SUCLG2: variants seen among roughly 807,000 people sequenced by gnomAD.
The protein encoded by SUCLG2 is succinate--CoA ligase [GDP-forming] subunit beta, mitochondrial.
SUCLG2 carries 42 observed loss-of-function variants against 47.9 expected under a neutral mutation model. The observed-to-expected ratio is 0.88, with a 90% CI of 0.69 to 1.14. The LOEUF (loss-of-function observed/expected upper bound fraction) is 1.14, where lower values mean the gene tolerates loss of function less well. SUCLG2 is among the 50% of genes most tolerant of loss of function. The pLI is 0.00. For missense variants in SUCLG2, 571 were observed against 525.9 expected, an observed-to-expected ratio of 1.09 and a Z score of -0.84; for synonymous variants, 195 against 197.3, an observed-to-expected ratio of 0.99 and a Z score of 0.10.
intron 9 of SUCLG2, among the ~76,000 whole-genome samples, chr3:67,488,589 C>T (rs1705124087): frequency 6.6e-6 from 1 of 152,202 alleles, no homozygotes; most frequent in African/African-American, 2.4e-5. Context: ...CTCAAAAATA[C>T]TAATAGTACA....
chr3:67,414,048 C>T (rs1250027564), intron 9 of SUCLG2, among the ~76,000 whole-genome samples: 1 of 152,138 alleles, frequency 6.6e-6, no homozygotes, highest in South Asian at 2.1e-4. Context: ...ATGTCTTGAC[C>T]TGCCACCTTT....
At chr3:67,469,475 A>C (rs1308060971) in intron 9 of SUCLG2, among the ~76,000 whole-genome samples, 1 of 152,222 alleles carries the variant, frequency 6.6e-6, no homozygotes, top group East Asian at 1.9e-4. Context: ...CACGCCTGTA[A>C]TTATAGCACT....
At chr3:67,567,520 C>A (rs1707486332) in intron 2 of SUCLG2, among the ~76,000 whole-genome samples, 1 of 152,084 alleles carries the variant, frequency 6.6e-6, no homozygotes, top group South Asian at 2.1e-4. Flanking sequence ...CTCAAGCGAT[C>A]CTGCCACCTC....
At chr3:67,376,797 T>G (rs762504004) in intron 10 of SUCLG2, among the ~76,000 whole-genome samples, 1 of 152,200 alleles carries the variant, frequency 6.6e-6, no homozygotes, top group South Asian at 2.1e-4. Context: ...GCAGTGAAGA[T>G]GGCCGCTTGG....
At position 67,609,444 on chromosome 3, in the gene SUCLG2, A is replaced by T; in HGVS notation, c.226+11T>A. 6.2e-7 allele frequency: 1 copy of T among 1,608,734 alleles called. No homozygotes were observed. Reference sequence around the variant, plus strand: ...GGGCAAGTGTATTTCACCCATTATGAATCAGCTTACTTAGTCTCTTAGCAG... The same window carrying T: ...GGGCAAGTGTATTTCACCCATTATGTATCAGCTTACTTAGTCTCTTAGCAG... On this transcript the variant is annotated intron_variant, in intron 2 of 10. Coordinates refer to ENST00000307227, the MANE Select transcript of SUCLG2 (RefSeq NM_003848.4).
At chr3:67,509,048 TTTTAATTTCCACTG>T (rs1388915665) in intron 6 of SUCLG2, 145 bp from the exon 7 acceptor site, 1 of 614,906 alleles carries the variant, frequency 1.6e-6, no homozygotes, top group Non-Finnish European at 2.8e-6. Context: ...AGCATAATTA[TTTTAATTTCCACTG>T]CTATTCATTA....
At chr3:67,575,465 T>A (rs1011325053) in intron 2 of SUCLG2, among the ~76,000 whole-genome samples, 1 of 152,162 alleles carries the variant, frequency 6.6e-6, no homozygotes, top group African/African-American at 2.4e-5. Flanking sequence ...ATATGCAATG[T>A]CCAGAAAAGG....
At chr3:67,426,889 T>G (rs1047392911) in intron 9 of SUCLG2, among the ~76,000 whole-genome samples, 13 of 152,108 alleles carry the variant, frequency 8.5e-5, no homozygotes, top group African/African-American at 2.9e-4. Context: ...ATCTTGCCAC[T>G]GCACTCCAAC....
At chr3:67,385,370 T>C (rs1438794456) in intron 10 of SUCLG2, among the ~76,000 whole-genome samples, 1 of 152,222 alleles carries the variant, frequency 6.6e-6, no homozygotes, top group Non-Finnish European at 1.5e-5. Context: ...CTGGGGCAGA[T>C]AAGACCTGTG....
chr3:67,446,416 CATTTTTTTTTTTTT>C (rs1322596658), intron 9 of SUCLG2, among the ~76,000 whole-genome samples: 2,681 of 77,340 alleles, frequency 0.035, 69 homozygotes, highest in East Asian at 0.15. Flanking sequence ...TACATATGTA[CATTTTTTTTTTTTT>C]TTTTTTTTTT....
chr3:67,639,453 G>T (rs1701062112), intron 1 of SUCLG2, among the ~76,000 whole-genome samples: 1 of 151,922 alleles, frequency 6.6e-6, no homozygotes. Flanking sequence ...TGCAGCAGAT[G>T]CTCTCAGTGC....
chr3:67,452,360 T>C (rs1704075993), intron 9 of SUCLG2, among the ~76,000 whole-genome samples: 1 of 152,226 alleles, frequency 6.6e-6, no homozygotes, highest in Non-Finnish European at 1.5e-5. Context: ...ATTATGCCTA[T>C]TGAAATATTT....
At chr3:67,433,954 C>A (rs931749726) in intron 9 of SUCLG2, among the ~76,000 whole-genome samples, 1 of 152,108 alleles carries the variant, frequency 6.6e-6, no homozygotes, top group Non-Finnish European at 1.5e-5. Context: ...AAAAAGCTTT[C>A]AATACCTACG....
At chr3:67,601,851 G>A (rs1708425823) in intron 2 of SUCLG2, among the ~76,000 whole-genome samples, 1 of 152,060 alleles carries the variant, frequency 6.6e-6, no homozygotes. Flanking sequence ...GCATGGTGGT[G>A]CACGCCTGTA....
intron 5 of SUCLG2, among the ~76,000 whole-genome samples, 183 bp from the exon 6 acceptor site, chr3:67,518,519 T>C (rs1362430410): frequency 1.3e-5 from 2 of 152,204 alleles, no homozygotes; most frequent in African/African-American, 4.8e-5. Flanking sequence ...AGACCATCTA[T>C]AAAAAAGCCC....
intron 1 of SUCLG2, among the ~76,000 whole-genome samples, chr3:67,645,430 T>C (rs907863707): frequency 6.6e-6 from 1 of 152,168 alleles, no homozygotes; most frequent in Non-Finnish European, 1.5e-5. Context: ...CCAACCATCC[T>C]ATTCAACACT....
At chr3:67,563,167 A>C (rs1056860019) in intron 2 of SUCLG2, among the ~76,000 whole-genome samples, 7 of 151,714 alleles carry the variant, frequency 4.6e-5, no homozygotes, top group Non-Finnish European at 7.4e-5. Context: ...AAAATGTCCC[A>C]ATACCACAGA....
intron 9 of SUCLG2, among the ~76,000 whole-genome samples, chr3:67,412,841 G>A (rs546696229): frequency 1.9e-4 from 29 of 152,206 alleles, no homozygotes; most frequent in Middle Eastern, 3.4e-3. Context: ...TGAGATGAGT[G>A]TGCCATTGTT....
At chr3:67,654,205 C>T (rs1053666838) in intron 1 of SUCLG2, among the ~76,000 whole-genome samples, 1 of 152,264 alleles carries the variant, frequency 6.6e-6, no homozygotes, top group Non-Finnish European at 1.5e-5. Flanking sequence ...CTTAAACTTG[C>T]GTCCAGCGCC....
Sources: gnomAD v4.1 joint callset for allele counts (sites outside exome capture counted in the v4.1 genomes callset) on GRCh38, gnomAD v4.1.1 for gene constraint, MANE v1.5 for transcripts, NCBI Gene and HGNC (gene_info 2026-07-23, HGNC 2026-07-21) for gene names.